The following NRXN3 variants were observed in gnomAD, a reference collection of about 807,000 sequenced individuals.
NRXN3 encodes neurexin 3.
Under a neutral mutation model 137.6 loss-of-function variants are expected in NRXN3, and 32 were observed. The observed-to-expected ratio is 0.23, with a 90% CI of 0.18 to 0.31. The LOEUF is 0.31. Among genes scored for constraint, NRXN3 ranks in the 10% least tolerant of loss-of-function variants. The pLI is 1.00. For synonymous variants in NRXN3, 798 were observed against 784.5 expected, an observed-to-expected ratio of 1.02 and a Z score of -0.29; for missense variants, 1,574 against 2,062.5, an observed-to-expected ratio of 0.76 and a Z score of 4.59.
chr14:79,091,346 A>G (rs1165569031), intron 15 of NRXN3, among the ~76,000 whole-genome samples: 3 of 152,168 alleles, frequency 2.0e-5, no homozygotes, highest in African/African-American at 7.2e-5. Context: ...GAAGCTCCAT[A>G]CCATATTCTT....
At chr14:79,697,258 CATT>C (rs2154029194) in intron 18 of NRXN3, among the ~76,000 whole-genome samples, 1 of 152,034 alleles carries the variant, frequency 6.6e-6, no homozygotes, top group African/African-American at 2.4e-5. Flanking sequence ...TAGCTTTAAA[CATT>C]AATGCAGTAG....
chr14:78,417,845 C>CGTGAGT (rs2093230723), intron 4 of NRXN3, among the ~76,000 whole-genome samples: 1 of 152,180 alleles, frequency 6.6e-6, no homozygotes, highest in Non-Finnish European at 1.5e-5. Flanking sequence ...CAACCTGCAC[C>CGTGAGT]TCCTGGGTTC....
chr14:78,573,443 TGA>T (rs2096907996), intron 4 of NRXN3, among the ~76,000 whole-genome samples: 1 of 152,156 alleles, frequency 6.6e-6, no homozygotes, highest in Admixed American at 6.5e-5. Flanking sequence ...ATGCTAATAG[TGA>T]TATAAACAAT....
At chr14:79,709,052 T>C (rs1410382227) in intron 19 of NRXN3, among the ~76,000 whole-genome samples, 3 of 152,044 alleles carry the variant, frequency 2.0e-5, no homozygotes, top group Admixed American at 2.0e-4. Context: ...AGAACAGTGC[T>C]TCTTAAACTT....
chr14:79,703,675 T>C (rs1019171054), intron 19 of NRXN3, among the ~76,000 whole-genome samples: 1 of 151,572 alleles, frequency 6.6e-6, no homozygotes, highest in East Asian at 2.0e-4. Context: ...CCTCTACATG[T>C]GCGGATTATA....
At position 79,460,026 on chromosome 14, in the gene NRXN3, A is replaced by G. The variant is rs148507240; in HGVS notation, c.3263-7195A>G. ...ATTTTTGTGATATAACAGCTTCTAA[A>G]GTAATGTGTTTCTGAAAATGTCATT... is the stretch of plus-strand genomic sequence containing the variant. On this transcript the variant is annotated intron_variant, in intron 15 of 20. Coordinates refer to ENST00000335750, the MANE Select transcript of NRXN3 (RefSeq NM_001330195.2). 4.2e-3 allele frequency among the ~76,000 whole-genome samples: 634 copies of G among 152,256 alleles called. 3 individuals carry two copies. The highest frequency in any genetic ancestry group is 6.1e-3 in the Non-Finnish European group (412 of 67,982).
chr14:79,750,298 T>C lies in NRXN3; in HGVS notation c.4014+52361T>C, dbSNP rs115793880. Among the ~76,000 whole-genome samples, 180 of 152,280 alleles carry C rather than the reference T, an allele frequency of 1.2e-3. 1 individual carries two copies. The highest frequency in any genetic ancestry group is 3.6e-3 in the African/African-American group (149 of 41,578). On this transcript the variant is annotated intron_variant, in intron 19 of 20. Coordinates refer to ENST00000335750, the MANE Select transcript of NRXN3 (RefSeq NM_001330195.2). Reference sequence around the variant, plus strand: ...ACAATTTATTTCTATTTTTTTATCCTACACCTGAAATGTAAACAAGGACAC... The same window carrying C: ...ACAATTTATTTCTATTTTTTTATCCCACACCTGAAATGTAAACAAGGACAC...
chr14:78,322,069 A>C (rs1318261654), intron 4 of NRXN3, among the ~76,000 whole-genome samples: 1 of 151,768 alleles, frequency 6.6e-6, no homozygotes, highest in Admixed American at 6.6e-5. Flanking sequence ...ACTACCCTCA[A>C]TCTGCATACC....
intron 16 of NRXN3, among the ~76,000 whole-genome samples, chr14:79,539,435 G>A (rs1458133781): frequency 1.3e-5 from 2 of 152,150 alleles, no homozygotes; most frequent in East Asian, 1.9e-4. Flanking sequence ...AGAAGGTATC[G>A]AACAGACTTC....
In NRXN3 at chr14:79,861,698, G is replaced by T. The variant is rs1239126252; in HGVS notation, c.4450G>T (p.Gly1484Trp). The T allele has an allele frequency of 6.2e-7, 1 of 1,614,152 alleles. No individual in the cohort carries two copies. The highest frequency in any genetic ancestry group is 8.5e-7 in the Non-Finnish European group (1 of 1,180,042). The change falls in exon 21 of 21, where the codon GGG becomes TGG. Residue 1484 changes from glycine (G) to tryptophan (W), a missense_variant. By Grantham distance (184) the Gly-to-Trp change is radical (BLOSUM62 -2). Around this residue, in one of 5 missense-constraint regions of NRXN3, gnomAD observed 320 missense variants for 387.1 expected, o/e 0.83. Coordinates refer to ENST00000335750, the MANE Select transcript of NRXN3 (RefSeq NM_001330195.2). This position sits in a 1 kb window ranked among gnomAD's most constrained non-coding sequence, Gnocchi z 5.4. ...GGAGCCGGGAATCAGACGGGTTCCGGGGGCCTCAGAGGTGATCCGGGAGTC... is the reference window on the plus strand; with the variant it reads ...GGAGCCGGGAATCAGACGGGTTCCGTGGGCCTCAGAGGTGATCCGGGAGTC... Reference protein sequence around the residue: ...PTEPGIRRVPGASEVIRESSS... With the variant: ...PTEPGIRRVPWASEVIRESSS...
chr14:78,296,272 C>T (rs2076329059), intron 3 of NRXN3, among the ~76,000 whole-genome samples: 1 of 151,984 alleles, frequency 6.6e-6, no homozygotes, highest in African/African-American at 2.4e-5. Flanking sequence ...CACTATGTTG[C>T]CCAGGCTGGT....
chr14:79,838,992 T>G (rs1329824475), intron 20 of NRXN3, among the ~76,000 whole-genome samples: 1 of 152,234 alleles, frequency 6.6e-6, no homozygotes, highest in Non-Finnish European at 1.5e-5. Context: ...AACACCTTGT[T>G]CTATAAAATA....
At chr14:79,511,709 G>A (rs1430599959) in intron 16 of NRXN3, among the ~76,000 whole-genome samples, 1 of 152,144 alleles carries the variant, frequency 6.6e-6, no homozygotes, top group South Asian at 2.1e-4. Context: ...ACCTATATTT[G>A]AGGACTATGG....
intron 10 of NRXN3, among the ~76,000 whole-genome samples, chr14:78,945,227 A>AT (rs912959312): frequency 1.3e-5 from 2 of 151,996 alleles, no homozygotes; most frequent in African/African-American, 4.8e-5. Context: ...TAAGGGTTTT[A>AT]TTTTTTCTGG....
intron 15 of NRXN3, among the ~76,000 whole-genome samples, chr14:79,173,837 CA>C (rs1424421943): frequency 1.1e-4 from 16 of 152,140 alleles, no homozygotes; most frequent in Admixed American, 1.0e-3. Context: ...TTTGTCACTT[CA>C]TGTTCACTGA....
chr14:79,433,399 T>G (rs561026732), intron 15 of NRXN3, among the ~76,000 whole-genome samples: 52 of 152,248 alleles, frequency 3.4e-4, no homozygotes, highest in Non-Finnish European at 7.2e-4. Context: ...TAAGTGGGTG[T>G]CCAGAGAATT....
intron 15 of NRXN3, among the ~76,000 whole-genome samples, chr14:79,294,155 G>C (rs1449709071): frequency 6.6e-6 from 1 of 152,154 alleles, no homozygotes; most frequent in East Asian, 1.9e-4. Context: ...AAGGAAGGAC[G>C]CTTGGTTTTT....
At chr14:78,410,461 T>G (rs1176009494) in intron 4 of NRXN3, among the ~76,000 whole-genome samples, 1 of 152,238 alleles carries the variant, frequency 6.6e-6, no homozygotes, top group African/African-American at 2.4e-5. Context: ...AAATAATGTC[T>G]AAATGGACTA....
intron 15 of NRXN3, among the ~76,000 whole-genome samples, chr14:79,170,178 G>A (rs1203505239): frequency 5.9e-5 from 9 of 152,030 alleles, no homozygotes; most frequent in African/African-American, 2.2e-4. Flanking sequence ...AAATCTATTT[G>A]GTGAGGATAC....
Sources: allele counts gnomAD v4.1 joint callset (sites outside exome capture counted in the v4.1 genomes callset), GRCh38; gene constraint gnomAD v4.1.1; regional missense constraint gnomAD v4.1.1; non-coding constraint Gnocchi (gnomAD v3.1); transcripts MANE v1.5; gene names NCBI Gene and HGNC (gene_info 2026-07-23, HGNC 2026-07-21).